Variants in PCK2 observed in about 807,000 individuals in gnomAD.
PCK2 encodes phosphoenolpyruvate carboxykinase 2, mitochondrial, also known as phosphoenolpyruvate carboxykinase [GTP], mitochondrial.
PCK2 carries 56 observed loss-of-function variants against 65.9 expected under a neutral mutation model. The ratio of observed to expected loss-of-function variants is 0.85; its 90% CI spans 0.69 to 1.06. The LOEUF is 1.06. Ranked by LOEUF, PCK2 falls within the 50% of genes least tolerant of loss-of-function variation. PCK2 has a pLI of 0.00. For missense variants in PCK2, 843 were observed against 863.1 expected (o/e 0.98, Z 0.29); for synonymous variants, 305 against 319.6 (o/e 0.95, Z 0.49).
chr14:24,098,347 C>T lies in PCK2; in HGVS notation c.420C>T (p.Phe140=). 6.2e-7 allele frequency: 1 copy of T among 1,613,502 alleles called. No homozygotes were observed. The highest frequency in any genetic ancestry group is 1.1e-5 in the South Asian group (1 of 91,022). The change falls in exon 3 of 10, where the codon TTC becomes TTT. Residue 140 remains phenylalanine (F), a synonymous_variant. Coordinates refer to ENST00000216780, the MANE Select transcript of PCK2 (RefSeq NM_004563.4). ...QLGNWMSPAD[F]QRAVDERFPG... Reference sequence around the variant, plus strand: ...GCAACTGGATGTCCCCAGCTGATTTCCAGCGAGCTGTGGATGAGAGGTTTC... The same window carrying T: ...GCAACTGGATGTCCCCAGCTGATTTTCAGCGAGCTGTGGATGAGAGGTTTC...
intron 4 of PCK2, 105 bp from the exon 5 acceptor site, chr14:24,098,944 G>A (rs948590635): frequency 3.1e-5 from 27 of 878,090 alleles, no homozygotes; most frequent in Admixed American, 2.5e-4. Flanking sequence ...TCTTGGTGCT[G>A]CTACTGCTCC....
rs1273086005 is a variant in PCK2 at position 24,094,947 on chromosome 14, C to A, written c.29+513C>A. ...CCGGACTGGAAGGACTGGAACCTGG[C>A]GGGAAGTCCAGAGCAGCCCGAGGGA... On this transcript the variant is annotated intron_variant, in intron 1 of 9. Coordinates refer to ENST00000216780, the MANE Select transcript of PCK2 (RefSeq NM_004563.4). The surrounding 1 kb of genome is among the most constrained non-coding windows in gnomAD (Gnocchi z 4.1). 7.0e-6 allele frequency: 7 copies of A among 1,004,730 alleles called. No individual in the cohort carries two copies. The East Asian group carries it at 3.0e-4, about 43-fold the overall frequency. 62.2% of individuals were successfully genotyped at this position (1,004,730 alleles called of 1,614,324 possible).
chr14:24,095,156 G>C (rs1429017274), intron 1 of PCK2: 2 of 455,994 alleles, frequency 4.4e-6, no homozygotes, highest in Non-Finnish European at 8.8e-6. Context: ...TTGTCCCAGA[G>C]TCGGAAGTGA....
chr14:24,095,963 A>G (rs55733026), intron 1 of PCK2, among the ~76,000 whole-genome samples: 11,981 of 152,230 alleles, frequency 0.079, 534 homozygotes, highest in African/African-American at 0.097. Flanking sequence ...CTGGAAGCCC[A>G]GCATCCAGTC....
In PCK2 at chr14:24,099,565, G is replaced by C; in HGVS notation, c.860G>C (p.Gly287Ala). 6.3e-7 allele frequency: 1 copy of C among 1,591,774 alleles called. No individual in the cohort carries two copies. Among genetic ancestry groups the C allele is most frequent in the Non-Finnish European group, 8.6e-7 (1 of 1,168,668 alleles). The change falls in exon 6 of 10, where the codon GGC (glycine) becomes GCC (alanine). Residue 287 changes from glycine to alanine, a missense_variant. Physicochemically the swap from Gly to Ala is moderately conservative, Grantham distance 60 (BLOSUM62 0). Coordinates refer to ENST00000216780, the MANE Select transcript of PCK2 (RefSeq NM_004563.4). Reference sequence around the variant, plus strand: ...TCTCTCCCCAATGCACAGATCCTGGGCATCACCAGCCCTGCAGGGAAGAAG... The same window carrying C: ...TCTCTCCCCAATGCACAGATCCTGGCCATCACCAGCCCTGCAGGGAAGAAG... ...GWLAEHMLILGITSPAGKKRY... is the reference protein window; with the variant it reads ...GWLAEHMLILAITSPAGKKRY...
rs2036761929 is a variant in PCK2 at position 24,094,452 on chromosome 14, CG to C, written c.29+22del. On this transcript the variant is annotated intron_variant, in intron 1 of 9. Transcript: ENST00000216780. The surrounding 1 kb of genome is among the most constrained non-coding windows in gnomAD (Gnocchi z 4.1). The stretch of plus-strand genomic sequence containing the variant: ...GGCCTGCGGTGAGTGACCCCCGGCC[CG>C]GGGCCCACCCGCACCTTCCGCTGCG... 2 of 1,532,466 alleles carry C rather than the reference CG, an allele frequency of 1.3e-6. No individual in the cohort carries two copies. Among genetic ancestry groups the C allele is most frequent in the East Asian group, 2.5e-5 (1 of 40,300 alleles). 94.9% of individuals were successfully genotyped at this position (1,532,466 alleles called of 1,614,324 possible).
At position 24,094,810 on chromosome 14, in the gene PCK2, G is replaced by C. The variant is rs762090156; in HGVS notation, c.29+376G>C. On this transcript the variant is annotated intron_variant, in intron 1 of 9. Coordinates refer to ENST00000216780, the MANE Select transcript of PCK2 (RefSeq NM_004563.4). The surrounding 1 kb of genome is among the most constrained non-coding windows in gnomAD (Gnocchi z 4.1). ...AACGGGCTCTCAGCCAGCGCCCCAG[G>C]GTACTTCGAGAGGCAGCAGGGCCCT... The C allele has an allele frequency of 1.6e-5, 22 of 1,345,214 alleles. No homozygotes were observed. The highest frequency in any genetic ancestry group is 1.1e-4 in the Admixed American group (5 of 45,070). 83.3% of individuals were successfully genotyped at this position (1,345,214 alleles called of 1,614,324 possible). A position where few individuals can be genotyped will look rare whatever the true frequency, so the allele number is the denominator to read the frequency against.
rs1220998776 is a variant in PCK2 at position 24,098,473 on chromosome 14, A to G, written c.461-2A>G. On this transcript the variant is annotated splice_acceptor_variant, in intron 3 of 9. Transcript: ENST00000216780. LOFTEE classifies it high-confidence loss of function. ...TCATCCAGGGGATGCCTTCCTCCAC[A>G]GGCCGCACCATGTATGTGCTTCCAT... 3.1e-6 allele frequency: 5 copies of G among 1,613,950 alleles called. No homozygotes were observed. The highest frequency in any genetic ancestry group is 4.2e-6 in the Non-Finnish European group (5 of 1,179,926).
At position 24,103,241 on chromosome 14, in the gene PCK2, C is replaced by T. The variant is rs1308517482; in HGVS notation, c.1454C>T (p.Ala485Val). Reference sequence around the variant, plus strand: ...GCCATGCGCTCTGAGTCCACTGCTGCAGCAGAACACAAAGGTGAGCACCCT... The same window carrying T: ...GCCATGCGCTCTGAGTCCACTGCTGTAGCAGAACACAAAGGTGAGCACCCT... ...GSAMRSESTA[A>V]AEHKGKIIMH... The change falls in exon 9 of 10, where the codon GCA (alanine) becomes GTA (valine). Residue 485 changes from alanine to valine, a missense_variant. Transcript: ENST00000216780. 3 of 1,613,120 alleles carry T rather than the reference C, an allele frequency of 1.9e-6. No individual in the cohort carries two copies. Among genetic ancestry groups the T allele is most frequent in the Non-Finnish European group, 2.5e-6 (3 of 1,179,222 alleles).
At position 24,100,154 on chromosome 14, in the gene PCK2, AC is replaced by A; in HGVS notation, c.1177del (p.Gln393SerfsTer9). 1 of 1,613,772 alleles carries A rather than the reference AC, an allele frequency of 6.2e-7. No individual in the cohort carries two copies. Among genetic ancestry groups the A allele is most frequent in the Non-Finnish European group, 8.5e-7 (1 of 1,179,916 alleles). ...GGTGGCGTGTACTGGGAGGGCATTGACCAGCCTCTTCCACCTGGTGTTACTG... is the reference window on the plus strand; with the variant it reads ...GGTGGCGTGTACTGGGAGGGCATTGACAGCCTCTTCCACCTGGTGTTACTG... ...SDGGVYWEGI[D>X]QPLPPGVTVT... On this transcript the variant is annotated frameshift_variant, in exon 7 of 10. Transcript: ENST00000216780. LOFTEE classifies it high-confidence loss of function.
At position 24,098,722 on chromosome 14, in the gene PCK2, G is replaced by T. The variant is rs758130044; in HGVS notation, c.664+44G>T. On this transcript the variant is annotated intron_variant, in intron 4 of 9. Transcript: ENST00000216780. ...CCAAGGGGAACACAGAGGCCTTCTT[G>T]TACTCAGAGGAAATCCCAAATCCTA... 15 of 1,532,654 alleles carry T rather than the reference G, an allele frequency of 9.8e-6. No individual in the cohort carries two copies. The East Asian group carries it at 2.9e-4, about 30-fold the overall frequency. 94.9% of individuals were successfully genotyped at this position (1,532,654 alleles called of 1,614,324 possible).
At chr14:24,099,509 CCT>C in intron 5 of PCK2, 47 bp from the exon 6 acceptor site, 1 of 1,528,176 alleles carries the variant, frequency 6.5e-7, no homozygotes. Flanking sequence ...CAGACCATGC[CCT>C]GACTTTTGGT....
At chr14:24,099,518 T>A in intron 5 of PCK2, 40 bp from the exon 6 acceptor site, 1 of 1,541,534 alleles carries the variant, frequency 6.5e-7, no homozygotes. Flanking sequence ...CCCTGACTTT[T>A]GGTGACCTCT....
chr14:24,101,542 T>C (rs976899568), intron 7 of PCK2, among the ~76,000 whole-genome samples: 1 of 152,256 alleles, frequency 6.6e-6, no homozygotes, highest in African/African-American at 2.4e-5. Context: ...CCTACCCATG[T>C]GATATCCCTA....
In PCK2 at chr14:24,100,214, G is replaced by A; in HGVS notation, c.1234+1G>A. On this transcript the variant is annotated splice_donor_variant, in intron 7 of 9. Coordinates refer to ENST00000216780, the MANE Select transcript of PCK2 (RefSeq NM_004563.4). LOFTEE classifies it high-confidence loss of function. ...TGGCTGGGCAAACCCTGGAAACCTG[G>A]TATGTGCGGTGGGGAAGGTGTGGCA... 1 of 1,614,138 alleles carries A rather than the reference G, an allele frequency of 6.2e-7. No individual in the cohort carries two copies. Among genetic ancestry groups the A allele is most frequent in the South Asian group, 1.1e-5 (1 of 91,070 alleles).
chr14:24,101,556 CT>C (rs990105261), intron 7 of PCK2, among the ~76,000 whole-genome samples: 12 of 152,338 alleles, frequency 7.9e-5, no homozygotes, highest in African/African-American at 2.9e-4. Context: ...ATCCCTATCT[CT>C]ATTTTTCCAG....
chr14:24,098,964 C>A, intron 4 of PCK2, 85 bp from the exon 5 acceptor site: 1 of 1,075,888 alleles, frequency 9.3e-7, no homozygotes, highest in Non-Finnish European at 1.4e-6. Flanking sequence ...CCAAGTGTCT[C>A]TCCTGCCAAT....
chr14:24,102,705 G>T (rs1160734204), intron 7 of PCK2, 48 bp from the exon 8 acceptor site: 2 of 1,561,242 alleles, frequency 1.3e-6, no homozygotes, highest in Admixed American at 1.8e-5. Flanking sequence ...TGTGTGTTGG[G>T]GGTCGACATG....
chr14:24,103,065 C>A (rs907225145), intron 8 of PCK2, 95 bp from the exon 9 acceptor site: 1 of 1,227,676 alleles, frequency 8.1e-7, no homozygotes, highest in South Asian at 1.2e-5. Context: ...TAGCCGAGGT[C>A]TTAGGAGAGA....
Sources: allele counts gnomAD v4.1 joint callset (sites outside exome capture counted in the v4.1 genomes callset), GRCh38; gene constraint gnomAD v4.1.1; non-coding constraint Gnocchi (gnomAD v3.1); transcripts MANE v1.5; gene names NCBI Gene and HGNC (gene_info 2026-07-23, HGNC 2026-07-21).